Variants in PRKG1 observed in about 807,000 individuals in gnomAD.
The protein encoded by PRKG1 is protein kinase cGMP-dependent 1.
PRKG1 carries 35 observed loss-of-function variants against 88.1 expected under a neutral mutation model. The ratio of observed to expected loss-of-function variants is 0.40; its 90% CI spans 0.30 to 0.53. PRKG1 has a LOEUF of 0.53. Ranked by LOEUF, PRKG1 falls within the 20% of genes least tolerant of loss-of-function variation. The pLI is 0.59. For missense variants in PRKG1, 540 were observed against 839.8 expected (o/e 0.64, Z 4.41); for synonymous variants, 303 against 292.5 (o/e 1.04, Z -0.37).
chr10:51,465,685 C>A (rs1008578579), intron 2 of PRKG1, among the ~76,000 whole-genome samples: 1 of 152,096 alleles, frequency 6.6e-6, no homozygotes, highest in African/African-American at 2.4e-5. Context: ...TCTCCTCAAC[C>A]CCCCATAGAG....
intron 2 of PRKG1, among the ~76,000 whole-genome samples, chr10:51,213,786 G>T (rs1194292690): frequency 6.6e-6 from 1 of 152,094 alleles, no homozygotes; most frequent in Non-Finnish European, 1.5e-5. Flanking sequence ...TTATGTGTGT[G>T]TGCAGGGGTG....
chr10:52,156,481 A>T (rs1405354447), intron 8 of PRKG1, among the ~76,000 whole-genome samples: 1 of 151,832 alleles, frequency 6.6e-6, no homozygotes, highest in African/African-American at 2.4e-5. Flanking sequence ...GTATATGTAC[A>T]TATGTGTGAG....
intron 1 of PRKG1, among the ~76,000 whole-genome samples, chr10:51,014,825 CACTT>C (rs904832011): frequency 6.6e-6 from 1 of 152,154 alleles, no homozygotes; most frequent in Non-Finnish European, 1.5e-5. Context: ...TGTGACCTCA[CACTT>C]ACTTGTTTGA....
chr10:51,501,868 A>G (rs1841037456), intron 3 of PRKG1, among the ~76,000 whole-genome samples: 2 of 143,828 alleles, frequency 1.4e-5, no homozygotes, highest in South Asian at 4.4e-4. Context: ...AAATATGGGC[A>G]CAGATGTTCT....
At chr10:51,453,076 C>T (rs1234685424) in intron 2 of PRKG1, among the ~76,000 whole-genome samples, 1 of 151,892 alleles carries the variant, frequency 6.6e-6, no homozygotes, top group Non-Finnish European at 1.5e-5. Context: ...AGTTTGTGCA[C>T]ATAAAGGTGT....
At chr10:51,438,434 T>A (rs1473960596) in intron 2 of PRKG1, among the ~76,000 whole-genome samples, 2 of 151,966 alleles carry the variant, frequency 1.3e-5, no homozygotes, top group Admixed American at 1.3e-4. Flanking sequence ...CATATATCCT[T>A]AGGCTCTTCT....
chr10:52,042,554 C>T (rs1482890513), intron 5 of PRKG1, among the ~76,000 whole-genome samples: 2 of 152,062 alleles, frequency 1.3e-5, no homozygotes, highest in Admixed American at 6.6e-5. Context: ...CTATCTCTCA[C>T]CATATGCAAA....
intron 2 of PRKG1, among the ~76,000 whole-genome samples, chr10:51,262,119 C>G (rs1839726106): frequency 6.6e-6 from 1 of 151,892 alleles, no homozygotes; most frequent in Non-Finnish European, 1.5e-5. Flanking sequence ...ATCTCCTGAC[C>G]TCGTGATCCG....
chr10:51,317,350 A>T (rs1213307389), intron 2 of PRKG1, among the ~76,000 whole-genome samples: 1 of 152,220 alleles, frequency 6.6e-6, no homozygotes, highest in Non-Finnish European at 1.5e-5. Context: ...AAGTGAGAAA[A>T]ATATAAAGTA....
At chr10:52,209,408 C>T (rs184996818) in intron 9 of PRKG1, among the ~76,000 whole-genome samples, 12 of 152,232 alleles carry the variant, frequency 7.9e-5, no homozygotes, top group African/African-American at 1.7e-4. Flanking sequence ...ACTGGCCACA[C>T]ACACAAAATA....
chr10:51,951,075 T>A lies in PRKG1; in HGVS notation c.762+43505T>A, dbSNP rs534141714. 1.0e-3 allele frequency among the ~76,000 whole-genome samples: 157 copies of A among 152,188 alleles called. 2 individuals are homozygous for A. In the South Asian group the frequency reaches 0.032, roughly 31 times the overall value. ...ATAAAAGGCATTATTCAGAAAAAAA[T>A]CAGTCGGGGAAGGGTGGGCAACCAG... On this transcript the variant is annotated intron_variant, in intron 5 of 17. Coordinates refer to ENST00000373980, the MANE Select transcript of PRKG1 (RefSeq NM_006258.4).
chr10:51,720,089 G>A (rs1003522269), intron 3 of PRKG1, among the ~76,000 whole-genome samples: 3 of 152,002 alleles, frequency 2.0e-5, no homozygotes, highest in African/African-American at 4.8e-5. Context: ...AGAGAGGGGC[G>A]GGAAAAGAGA....
intron 5 of PRKG1, 114 bp downstream of exon 5, chr10:51,907,684 T>C (rs1047824775): frequency 2.3e-6 from 2 of 856,328 alleles, no homozygotes; most frequent in Non-Finnish European, 1.8e-6. Flanking sequence ...AAAAAATTTC[T>C]AAGCTCTGGG....
At chr10:52,239,681 T>C (rs192857308) in intron 9 of PRKG1, among the ~76,000 whole-genome samples, 1 of 151,044 alleles carries the variant, frequency 6.6e-6, no homozygotes, top group African/African-American at 2.4e-5. Flanking sequence ...TGAGGAGCTT[T>C]AAGACATGAA....
At chr10:51,192,454 A>G (rs1837654469) in intron 2 of PRKG1, among the ~76,000 whole-genome samples, 1 of 152,074 alleles carries the variant, frequency 6.6e-6, no homozygotes, top group South Asian at 2.1e-4. Context: ...TAGAATAAGA[A>G]ATCTCAACAG....
chr10:51,774,475 C>T (rs1838385048), intron 3 of PRKG1, among the ~76,000 whole-genome samples: 1 of 152,004 alleles, frequency 6.6e-6, no homozygotes, highest in Non-Finnish European at 1.5e-5. Flanking sequence ...AAGGCCAAAA[C>T]ATATATTCAA....
At chr10:51,464,042 T>C (rs1264789037) in intron 2 of PRKG1, among the ~76,000 whole-genome samples, 1 of 151,662 alleles carries the variant, frequency 6.6e-6, no homozygotes, top group Admixed American at 6.6e-5. Flanking sequence ...GAGGCCAAGG[T>C]GGGCGGATCA....
At chr10:51,684,534 G>A (rs955245312) in intron 3 of PRKG1, among the ~76,000 whole-genome samples, 1 of 152,052 alleles carries the variant, frequency 6.6e-6, no homozygotes, top group Non-Finnish European at 1.5e-5. Context: ...TAGGTCACAG[G>A]ATTGTTTAAA....
At chr10:51,394,219 G>A (rs1427415323) in intron 2 of PRKG1, among the ~76,000 whole-genome samples, 1 of 152,220 alleles carries the variant, frequency 6.6e-6, no homozygotes, top group Non-Finnish European at 1.5e-5. Context: ...ATTAAAGACT[G>A]TCATATAGGG....
Sources: gnomAD v4.1 joint callset for allele counts (sites outside exome capture counted in the v4.1 genomes callset) on GRCh38, gnomAD v4.1.1 for gene constraint, MANE v1.5 for transcripts, NCBI Gene and HGNC (gene_info 2026-07-23, HGNC 2026-07-21) for gene names.